Variants in SOX6 observed in about 807,000 individuals in gnomAD.
The protein encoded by SOX6 is transcription factor SOX-6.
A neutral mutation model predicts 97.8 loss-of-function variants in SOX6; 11 were observed. That is an observed-to-expected ratio of 0.11 (90% CI 0.07 to 0.19). The LOEUF is 0.19. SOX6 is among the 10% of genes least tolerant of loss of function. The pLI is 1.00. For missense variants in SOX6, 810 were observed against 1,039.5 expected, an observed-to-expected ratio of 0.78 and a Z score of 3.04; for synonymous variants, 360 against 371.4, an observed-to-expected ratio of 0.97 and a Z score of 0.35.
intron 4 of SOX6, among the ~76,000 whole-genome samples, chr11:16,532,198 T>A (rs4536174): frequency 0.25 from 37,301 of 151,558 alleles, 5,085 homozygotes; most frequent in East Asian, 0.48. Context: ...TCCCTATACT[T>A]CCTCTTCAAA....
chr11:16,703,156 A>T (rs1848107335), intron 3 of SOX6, among the ~76,000 whole-genome samples: 3 of 151,894 alleles, frequency 2.0e-5, no homozygotes, highest in African/African-American at 7.2e-5. Context: ...ACATGATCGA[A>T]TCACACTGAT....
chr11:16,083,548 T>A (rs960636273), intron 9 of SOX6, among the ~76,000 whole-genome samples: 1 of 152,130 alleles, frequency 6.6e-6, no homozygotes, highest in South Asian at 2.1e-4. Context: ...GGTAGGAGCA[T>A]GAGATATACT....
intron 1 of SOX6, among the ~76,000 whole-genome samples, chr11:16,349,359 G>C (rs547799950): frequency 6.6e-6 from 1 of 152,084 alleles, no homozygotes; most frequent in Non-Finnish European, 1.5e-5. Context: ...GCTCATGCCT[G>C]TAATCCCAGC....
At position 15,972,733 on chromosome 11, in the gene SOX6, G is replaced by T; in HGVS notation, c.*76C>A. On this transcript the variant is annotated 3_prime_UTR_variant, in exon 16 of 16. Transcript: ENST00000683767. ...TGTAATTGTGGAGCCACAAATGCAT[G>T]CGGGCTCTTTAATAACTCTTTGTTG... 1 of 1,477,280 alleles carries T rather than the reference G, an allele frequency of 6.8e-7. No homozygotes were observed. The highest frequency in any genetic ancestry group is 9.5e-7 in the Non-Finnish European group (1 of 1,057,892). The allele number at this position is 1,477,280 out of a possible 1,614,324, so 91.5% of individuals were successfully genotyped here. A position where few individuals can be genotyped will look rare whatever the true frequency, so the allele number is the denominator to read the frequency against.
chr11:16,397,766 C>G (rs1297328639), intron 1 of SOX6, among the ~76,000 whole-genome samples: 1 of 151,486 alleles, frequency 6.6e-6, no homozygotes. Context: ...AGGTATAAAT[C>G]TTTGTTAGAT....
At chr11:16,433,911 A>T (rs970513489) in intron 1 of SOX6, among the ~76,000 whole-genome samples, 1 of 152,078 alleles carries the variant, frequency 6.6e-6, no homozygotes, top group African/African-American at 2.4e-5. Flanking sequence ...AACAGCTCTC[A>T]ATCATCTACA....
intron 4 of SOX6, among the ~76,000 whole-genome samples, chr11:16,591,769 G>A (rs937797195): frequency 2.6e-5 from 4 of 152,076 alleles, no homozygotes; most frequent in Non-Finnish European, 5.9e-5. Context: ...GAGGCTACAA[G>A]CCAAATTTTA....
intron 2 of SOX6, among the ~76,000 whole-genome samples, chr11:16,326,546 T>C (rs115760176): frequency 2.0e-4 from 30 of 152,262 alleles, no homozygotes; most frequent in Middle Eastern, 3.4e-3. Context: ...CAGTAAAAGA[T>C]GCCACAATGC....
At chr11:16,411,883 C>T (rs750559287) in intron 1 of SOX6, among the ~76,000 whole-genome samples, 2 of 152,066 alleles carry the variant, frequency 1.3e-5, no homozygotes, top group African/African-American at 4.8e-5. Context: ...AATCTATTAA[C>T]AATTATACAT....
At chr11:16,308,766 G>A (rs1280740639) in intron 3 of SOX6, among the ~76,000 whole-genome samples, 3 of 152,060 alleles carry the variant, frequency 2.0e-5, no homozygotes, top group African/African-American at 7.2e-5. Flanking sequence ...AGGATCAAAA[G>A]GGAAAAAAGT....
At chr11:16,681,123 C>T (rs189641281) in intron 3 of SOX6, among the ~76,000 whole-genome samples, 17 of 152,326 alleles carry the variant, frequency 1.1e-4, no homozygotes, top group African/African-American at 4.1e-4. Context: ...TAGACATCTA[C>T]AAAACCCTCC....
intron 4 of SOX6, among the ~76,000 whole-genome samples, chr11:16,540,923 T>C (rs576044249): frequency 2.0e-5 from 3 of 152,196 alleles, no homozygotes; most frequent in African/African-American, 7.2e-5. Context: ...TTCAATGCCA[T>C]CCCCATCAAG....
chr11:15,986,531 C>T (rs1853845918), intron 14 of SOX6, 111 bp from the exon 15 acceptor site: 1 of 955,120 alleles, frequency 1.0e-6, no homozygotes, highest in Middle Eastern at 2.4e-4. Context: ...CTGGGTGGCT[C>T]CAATTCCCAC....
intron 4 of SOX6, chr11:16,484,413 C>T (rs1860396576): frequency 2.5e-6 from 2 of 789,606 alleles, no homozygotes; most frequent in Non-Finnish European, 4.6e-6. Context: ...TTAACCAGGC[C>T]CTTCTCATGG....
At position 15,988,926 on chromosome 11, in the gene SOX6, C is replaced by A. The variant is rs544332618; in HGVS notation, c.1966+71G>T. ...CCTTAGGATCCTAGTTATCCCCTTG[C>A]TTCCCACCCTGGTGGCACTCATGGG... On this transcript the variant is annotated intron_variant, in intron 14 of 15. Coordinates refer to ENST00000683767, the MANE Select transcript of SOX6 (RefSeq NM_001367873.1). 6 of 1,449,140 alleles carry A rather than the reference C, an allele frequency of 4.1e-6. No individual in the cohort carries two copies. The Admixed American group carries it at 6.7e-5, about 16-fold the overall frequency. The allele number at this position is 1,449,140 out of a possible 1,614,324, so 89.8% of individuals were successfully genotyped here. A position where few individuals can be genotyped will look rare whatever the true frequency, so the allele number is the denominator to read the frequency against.
chr11:16,487,272 G>A (rs1250301145), intron 4 of SOX6, among the ~76,000 whole-genome samples: 1 of 152,094 alleles, frequency 6.6e-6, no homozygotes, highest in African/African-American at 2.4e-5. Flanking sequence ...TTATTGCAGG[G>A]TGCTTTTTTT....
At position 16,426,566 on chromosome 11, in the gene SOX6, G is replaced by A. The variant is rs911378345; in HGVS notation, c.-5+49749C>T. The stretch of plus-strand genomic sequence containing the variant: ...AAACAAGCAATGGGGAAAGGATTCC[G>A]TATTCAATAAATGGTGCTGGCATAA... On this transcript the variant is annotated intron_variant, in intron 1 of 15. Coordinates refer to the SOX6 transcript ENST00000396356. 9.9e-5 allele frequency among the ~76,000 whole-genome samples: 15 copies of A among 151,918 alleles called. 1 individual carries two copies. The highest frequency in any genetic ancestry group is 1.9e-4 in the East Asian group (1 of 5,152).
chr11:16,404,915 C>A (rs1858653586), intron 1 of SOX6, among the ~76,000 whole-genome samples: 1 of 151,980 alleles, frequency 6.6e-6, no homozygotes, highest in African/African-American at 2.4e-5. Flanking sequence ...CCTTGATCAA[C>A]CAGTGCTTCT....
intron 3 of SOX6, chr11:16,315,086 T>C (rs1000032666): frequency 6.6e-6 from 1 of 152,106 alleles, no homozygotes; most frequent in Non-Finnish European, 1.5e-5. Context: ...TATAGGTACT[T>C]GCCACCATGC....
Sources: allele counts gnomAD v4.1 joint callset (sites outside exome capture counted in the v4.1 genomes callset), GRCh38; gene constraint gnomAD v4.1.1; transcripts MANE v1.5; gene names NCBI Gene and HGNC (gene_info 2026-07-23, HGNC 2026-07-21).